CACNA2D3: variants seen among roughly 807,000 people sequenced by gnomAD.
The protein encoded by CACNA2D3 is voltage-dependent calcium channel subunit alpha-2/delta-3.
In CACNA2D3, 60 loss-of-function variants were observed where a neutral mutation model predicts 160.6. The ratio of observed to expected loss-of-function variants is 0.37; its 90% CI spans 0.30 to 0.46. The LOEUF (loss-of-function observed/expected upper bound fraction) is 0.46. Ranked by LOEUF, CACNA2D3 falls within the 20% of genes least tolerant of loss-of-function variation. The pLI is 1.00. For synonymous variants in CACNA2D3, 558 were observed against 492.9 expected (o/e 1.13, Z -1.75); for missense variants, 1,205 against 1,365.0 (o/e 0.88, Z 1.85).
intron 13 of CACNA2D3, among the ~76,000 whole-genome samples, chr3:54,786,528 A>G (rs1702645154): frequency 6.6e-6 from 1 of 152,116 alleles, no homozygotes; most frequent in African/African-American, 2.4e-5. Flanking sequence ...GTGTCTCTTC[A>G]CTTTGTAAGC....
chr3:54,895,439 A>G (rs912743638), intron 25 of CACNA2D3, among the ~76,000 whole-genome samples: 6 of 152,176 alleles, frequency 3.9e-5, no homozygotes, highest in South Asian at 4.1e-4. Flanking sequence ...CTCGAAGGGC[A>G]TGGGCCTCCT....
chr3:54,635,385 T>C, intron 10 of CACNA2D3, among the ~76,000 whole-genome samples: 1 of 152,012 alleles, frequency 6.6e-6, no homozygotes, highest in East Asian at 1.9e-4. Flanking sequence ...ATATCAGCTA[T>C]GATGGCTTGG....
intron 4 of CACNA2D3, among the ~76,000 whole-genome samples, chr3:54,496,676 G>GT: frequency 6.6e-6 from 1 of 152,226 alleles, no homozygotes; most frequent in Admixed American, 6.5e-5. Context: ...TTTTTAAAAT[G>GT]TAAGTGCCTT....
intron 5 of CACNA2D3, among the ~76,000 whole-genome samples, chr3:54,525,844 T>G (rs985858271): frequency 6.6e-6 from 1 of 152,034 alleles, no homozygotes; most frequent in Non-Finnish European, 1.5e-5. Flanking sequence ...TTGGAGTTCA[T>G]TGAGCTTCCT....
intron 10 of CACNA2D3, among the ~76,000 whole-genome samples, chr3:54,637,501 G>C (rs969595459): frequency 9.9e-5 from 15 of 151,966 alleles, no homozygotes; most frequent in Non-Finnish European, 2.2e-4. Context: ...CTAAAAAGGA[G>C]TGCTTTAAAG....
intron 9 of CACNA2D3, among the ~76,000 whole-genome samples, chr3:54,626,822 T>C (rs528621681): frequency 6.6e-6 from 1 of 152,204 alleles, no homozygotes; most frequent in South Asian, 2.1e-4. Flanking sequence ...TTCCTGGACA[T>C]GCATTGTGTG....
chr3:54,999,257 A>G (rs1417458019), intron 31 of CACNA2D3, among the ~76,000 whole-genome samples: 9 of 152,150 alleles, frequency 5.9e-5, no homozygotes, highest in Admixed American at 1.3e-4. Context: ...TAGCACTCCT[A>G]TCAACAGGTT....
In CACNA2D3 at chr3:54,995,674, A is replaced by G. The variant is rs1702840331; in HGVS notation, c.2690+7921A>G. On this transcript the variant is annotated intron_variant, in intron 31 of 37. Transcript: ENST00000474759. ...TAATGTATTAAGCAGCCTCCCATAC[A>G]ATACTTGTGCTTAATCACTTGGCCT... Among the ~76,000 whole-genome samples, 5 of 152,234 alleles carry G rather than the reference A, an allele frequency of 3.3e-5. No homozygotes were observed. The South Asian group carries it at 1.0e-3, about 32-fold the overall frequency.
At chr3:54,920,795 A>G (rs961798807) in intron 27 of CACNA2D3, among the ~76,000 whole-genome samples, 3 of 152,196 alleles carry the variant, frequency 2.0e-5, no homozygotes, top group Non-Finnish European at 2.9e-5. Context: ...GGACAGGTTC[A>G]TCAGCTGACT....
At chr3:54,394,095 G>A (rs555779145) in intron 4 of CACNA2D3, among the ~76,000 whole-genome samples, 1 of 152,174 alleles carries the variant, frequency 6.6e-6, no homozygotes, top group South Asian at 2.1e-4. Flanking sequence ...GTGCCTGTTG[G>A]CACTGGTTCC....
chr3:54,129,824 G>GTGTGTA (rs1240110537), intron 2 of CACNA2D3, among the ~76,000 whole-genome samples: 1 of 152,206 alleles, frequency 6.6e-6, no homozygotes, highest in East Asian at 1.9e-4. Flanking sequence ...CTTATTAAGT[G>GTGTGTA]TGTGTATGTG....
intron 5 of CACNA2D3, among the ~76,000 whole-genome samples, chr3:54,559,840 C>T (rs1398395606): frequency 6.6e-6 from 1 of 152,136 alleles, no homozygotes; most frequent in Admixed American, 6.5e-5. Context: ...TGAGAACAAG[C>T]AGTATTTGGT....
intron 4 of CACNA2D3, among the ~76,000 whole-genome samples, chr3:54,419,628 G>A (rs6804196): frequency 0.34 from 51,121 of 151,974 alleles, 8,907 homozygotes; most frequent in East Asian, 0.41. Flanking sequence ...GACCTCCTGA[G>A]TTAAAAGTGA....
At chr3:54,736,085 ATG>A (rs1275171843) in intron 11 of CACNA2D3, among the ~76,000 whole-genome samples, 585 of 32,412 alleles carry the variant, frequency 0.018, 63 homozygotes, top group African/African-American at 0.064. Flanking sequence ...ATATATATGT[ATG>A]TGTATATATA....
rs142487851 is a variant in CACNA2D3 at position 54,183,534 on chromosome 3, A to C, written c.204+59940A>C. 1.8e-3 allele frequency among the ~76,000 whole-genome samples: 279 copies of C among 150,930 alleles called. 2 individuals are homozygous for C. In the East Asian group the frequency reaches 0.021, roughly 11 times the overall value. Reference sequence around the variant, plus strand: ...TTACTTTCAGGAAGCCCATAGATTAAAAAAAAAATCTGTGTATTGTGTTCT... The same window carrying C: ...TTACTTTCAGGAAGCCCATAGATTACAAAAAAAATCTGTGTATTGTGTTCT... On this transcript the variant is annotated intron_variant, in intron 2 of 37. Coordinates refer to ENST00000474759, the MANE Select transcript of CACNA2D3 (RefSeq NM_018398.3).
rs770273642 is a variant in CACNA2D3, at chr3:54,968,443, G to A, written c.2450-7G>A. ...TAATGCCTTGTTTTATTTATAATTTGTCCCAGCTGTAGGCATTCAGATGAA... is the reference window on the plus strand; with the variant it reads ...TAATGCCTTGTTTTATTTATAATTTATCCCAGCTGTAGGCATTCAGATGAA... On this transcript the variant is annotated splice_polypyrimidine_tract_variant and splice_region_variant and intron_variant, in intron 27 of 37. Transcript: ENST00000474759. 6.3e-7 allele frequency: 1 copy of A among 1,596,362 alleles called. No individual in the cohort carries two copies. Among genetic ancestry groups the A allele is most frequent in the South Asian group, 1.1e-5 (1 of 89,198 alleles).
Position 54,527,631 on chromosome 3 carries a change from C to A in CACNA2D3, c.544+23977C>A, listed in dbSNP as rs180766093. 6.2e-4 allele frequency among the ~76,000 whole-genome samples: 94 copies of A among 152,270 alleles called. 1 individual carries two copies. In the South Asian group the frequency reaches 0.019, roughly 31 times the overall value. ...TGCAGATGTTATGGACGAAGGGAGC[C>A]CTCATTTCTCAGCTGTACTCGCCCA... On this transcript the variant is annotated intron_variant, in intron 5 of 37. Coordinates refer to ENST00000474759, the MANE Select transcript of CACNA2D3 (RefSeq NM_018398.3).
rs1700364065 is a variant in CACNA2D3 at position 54,682,178 on chromosome 3, C to T, written c.1167+39937C>T. Among the ~76,000 whole-genome samples, 13 of 152,028 alleles carry T rather than the reference C, an allele frequency of 8.6e-5. No homozygotes were observed. In the South Asian group the frequency reaches 2.7e-3, roughly 32 times the overall value. Reference sequence around the variant, plus strand: ...ACAGAACAGCACACACACACACACACACACACACACACACACCACAAAACC... The same window carrying T: ...ACAGAACAGCACACACACACACACATACACACACACACACACCACAAAACC... On this transcript the variant is annotated intron_variant, in intron 11 of 37. Transcript: ENST00000474759.
At chr3:54,992,992 C>T (rs188856329) in intron 31 of CACNA2D3, among the ~76,000 whole-genome samples, 4 of 152,156 alleles carry the variant, frequency 2.6e-5, no homozygotes, top group South Asian at 4.1e-4. Context: ...TGCTAAACAC[C>T]TTAAAACAAC....
Sources: gnomAD v4.1 joint callset for allele counts (sites outside exome capture counted in the v4.1 genomes callset) on GRCh38, gnomAD v4.1.1 for gene constraint, MANE v1.5 for transcripts, NCBI Gene and HGNC (gene_info 2026-07-23, HGNC 2026-07-21) for gene names.